Variants in FRMD5 observed in about 807,000 individuals in gnomAD.
FRMD5 encodes the protein FERM domain-containing protein 5.
A neutral mutation model predicts 69.0 loss-of-function variants in FRMD5; 20 were observed. The ratio of observed to expected loss-of-function variants is 0.29; its 90% CI spans 0.20 to 0.42. The LOEUF (loss-of-function observed/expected upper bound fraction) is 0.42, where lower values mean the gene tolerates loss of function less well. Ranked by LOEUF, FRMD5 falls within the 10% of genes least tolerant of loss-of-function variation. The pLI, the probability that FRMD5 is intolerant of heterozygous loss-of-function variation, is 1.00. For missense variants in FRMD5, 595 were observed against 708.6 expected, an observed-to-expected ratio of 0.84 and a Z score of 1.82; for synonymous variants, 271 against 260.1, an observed-to-expected ratio of 1.04 and a Z score of -0.40.
intron 1 of FRMD5, among the ~76,000 whole-genome samples, chr15:43,982,599 T>C (rs1333663504): frequency 6.6e-6 from 1 of 152,204 alleles, no homozygotes; most frequent in East Asian, 1.9e-4. Context: ...GTGGCATTTT[T>C]CCCCCAGAAT....
At chr15:43,904,974 C>T (rs375445807) in intron 6 of FRMD5, among the ~76,000 whole-genome samples, 1 of 151,980 alleles carries the variant, frequency 6.6e-6, no homozygotes, top group Non-Finnish European at 1.5e-5. Context: ...CTGAGTCAGG[C>T]GGGGCTGAGG....
chr15:44,158,934 A>G (rs1312025667), intron 1 of FRMD5, among the ~76,000 whole-genome samples: 2 of 152,248 alleles, frequency 1.3e-5, no homozygotes, highest in African/African-American at 4.8e-5. Flanking sequence ...ATGGGCAAGT[A>G]TCATGGCAGG....
chr15:44,075,684 T>C (rs1893727900), intron 1 of FRMD5, among the ~76,000 whole-genome samples: 1 of 152,150 alleles, frequency 6.6e-6, no homozygotes, highest in Non-Finnish European at 1.5e-5. Context: ...TCTGTTTGAC[T>C]CATTTTTTCT....
intron 1 of FRMD5, among the ~76,000 whole-genome samples, chr15:43,947,097 T>A (rs1433752386): frequency 6.6e-6 from 1 of 152,238 alleles, no homozygotes; most frequent in East Asian, 1.9e-4. Context: ...AAGTTATCAC[T>A]TGAATAGAAT....
Position 43,873,129 on chromosome 15 carries a change from T to A in FRMD5, c.*756A>T. ...AGTCTAGTTTCATTATACAAAACTA[T>A]GGTGATGCCCACTAGGCTCTAGACT... is the stretch of plus-strand genomic sequence containing the variant. On this transcript the variant is annotated 3_prime_UTR_variant, in exon 14 of 14. Coordinates refer to ENST00000417257, the MANE Select transcript of FRMD5 (RefSeq NM_032892.5). 1 of 1,504,274 alleles carries A rather than the reference T, an allele frequency of 6.6e-7. No individual in the cohort carries two copies. 93.2% of individuals were successfully genotyped at this position (1,504,274 alleles called of 1,614,324 possible).
At chr15:44,182,024 T>G (rs1302297598) in intron 1 of FRMD5, among the ~76,000 whole-genome samples, 1 of 152,028 alleles carries the variant, frequency 6.6e-6, no homozygotes, top group South Asian at 2.1e-4. Flanking sequence ...CTTTTTTTTT[T>G]TTTTGAAACG....
intron 1 of FRMD5, among the ~76,000 whole-genome samples, chr15:44,050,382 C>CA: frequency 6.6e-6 from 1 of 152,190 alleles, no homozygotes; most frequent in Non-Finnish European, 1.5e-5. Flanking sequence ...TCTTTTGAGA[C>CA]AGAGTCTCAC....
Position 44,071,694 on chromosome 15 carries a change from T to C in FRMD5, c.102+123259A>G, listed in dbSNP as rs140443525. On this transcript the variant is annotated intron_variant, in intron 1 of 13. Coordinates refer to ENST00000417257, the MANE Select transcript of FRMD5 (RefSeq NM_032892.5). ...TGATTTTATGTTTATTTATGGTTAA[T>C]GTACTCTTTTCCATCTCTTCCATCA... Among the ~76,000 whole-genome samples the C allele has an allele frequency of 2.0e-5, 3 of 152,352 alleles. No homozygotes were observed. The East Asian group carries it at 5.8e-4, about 29-fold the overall frequency.
chr15:44,181,953 A>G (rs1176495886), intron 1 of FRMD5, among the ~76,000 whole-genome samples: 1 of 152,136 alleles, frequency 6.6e-6, no homozygotes, highest in African/African-American at 2.4e-5. Flanking sequence ...TCAAAAATAG[A>G]AAACATGATG....
chr15:43,875,799 G>C (rs1314117951), intron 13 of FRMD5: 8 of 554,786 alleles, frequency 1.4e-5, no homozygotes, highest in Non-Finnish European at 2.4e-5. Flanking sequence ...GGTGTCCTGG[G>C]CCTAGTTTTT....
At chr15:43,965,419 A>C (rs1234789362) in intron 1 of FRMD5, among the ~76,000 whole-genome samples, 1 of 152,180 alleles carries the variant, frequency 6.6e-6, no homozygotes, top group Non-Finnish European at 1.5e-5. Context: ...GAAGAAGCTA[A>C]GAAATAAAGA....
intron 1 of FRMD5, among the ~76,000 whole-genome samples, chr15:44,170,994 T>C (rs1025826112): frequency 2.6e-5 from 4 of 152,234 alleles, no homozygotes; most frequent in Non-Finnish European, 1.5e-5. Flanking sequence ...CTTTAATTGA[T>C]GTAATCTCTT....
chr15:44,156,594 A>C (rs148018755), intron 1 of FRMD5, among the ~76,000 whole-genome samples: 239 of 152,312 alleles, frequency 1.6e-3, no homozygotes, highest in Middle Eastern at 3.4e-3. Context: ...TGACTTTTTT[A>C]TGTGTTTCCA....
chr15:43,937,786 A>T (rs2140479616), intron 1 of FRMD5, among the ~76,000 whole-genome samples: 1 of 152,246 alleles, frequency 6.6e-6, no homozygotes, highest in East Asian at 1.9e-4. Context: ...ATCTGGAGCC[A>T]GAGGGGCCCT....
At chr15:43,924,599 A>T (rs1160607314) in intron 1 of FRMD5, among the ~76,000 whole-genome samples, 2 of 152,186 alleles carry the variant, frequency 1.3e-5, no homozygotes, top group Non-Finnish European at 2.9e-5. Context: ...GAGCTTTCTT[A>T]AACTGTGGGT....
Position 44,048,582 on chromosome 15 carries a change from G to GT in FRMD5, c.103-124274dup, listed in dbSNP as rs201957258. 5.0e-3 allele frequency among the ~76,000 whole-genome samples: 756 copies of GT among 151,486 alleles called. 12 individuals carry two copies. The highest frequency in any genetic ancestry group is 0.017 in the African/African-American group (707 of 41,310). Reference sequence around the variant, plus strand: ...GATGAAGTCCAATTTAGCTATTTTGGTTTTTTTTGAGATAGAGTCTCACTC... The same window carrying GT: ...GATGAAGTCCAATTTAGCTATTTTGGTTTTTTTTTGAGATAGAGTCTCACTC... On this transcript the variant is annotated intron_variant, in intron 1 of 13. Coordinates refer to ENST00000417257, the MANE Select transcript of FRMD5 (RefSeq NM_032892.5).
At chr15:43,916,762 T>C (rs1054028932) in intron 4 of FRMD5, among the ~76,000 whole-genome samples, 6 of 151,058 alleles carry the variant, frequency 4.0e-5, no homozygotes, top group African/African-American at 1.2e-4. Context: ...ATAGTGACAC[T>C]GGATTTACAA....
intron 4 of FRMD5, among the ~76,000 whole-genome samples, chr15:43,913,131 G>A (rs1346298426): frequency 6.6e-6 from 1 of 152,100 alleles, no homozygotes; most frequent in East Asian, 1.9e-4. Flanking sequence ...CTCACACTGA[G>A]AACCACTGTC....
In FRMD5 at chr15:43,873,854, C is replaced by A; in HGVS notation, c.*31G>T. The A allele has an allele frequency of 6.2e-7, 1 of 1,608,248 alleles. No homozygotes were observed. Among genetic ancestry groups the A allele is most frequent in the African/African-American group, 1.3e-5 (1 of 74,930 alleles). On this transcript the variant is annotated 3_prime_UTR_variant, in exon 14 of 14. Coordinates refer to ENST00000417257, the MANE Select transcript of FRMD5 (RefSeq NM_032892.5). ...TGGGTAGCCGGGTTCCTTGGTCCAC[C>A]TGGCTAGTTTTTGGGAGGAGTCATG...
Sources: allele counts gnomAD v4.1 joint callset (sites outside exome capture counted in the v4.1 genomes callset), GRCh38; gene constraint gnomAD v4.1.1; transcripts MANE v1.5; gene names NCBI Gene and HGNC (gene_info 2026-07-23, HGNC 2026-07-21).